The following FRAT1 variants were observed in gnomAD, a reference collection of about 807,000 sequenced individuals.
The protein encoded by FRAT1 is FRAT regulator of Wnt signaling pathway 1.
Under a neutral mutation model 16.9 loss-of-function variants are expected in FRAT1, and 9 were observed. The ratio of observed to expected loss-of-function variants is 0.53; its 90% confidence interval spans 0.32 to 0.93. The LOEUF (loss-of-function observed/expected upper bound fraction) is 0.93, where lower values mean the gene tolerates loss of function less well. Ranked by LOEUF, FRAT1 falls within the 40% of genes least tolerant of loss-of-function variation. The pLI is 0.04. For synonymous variants in FRAT1, 191 were observed against 202.1 expected (o/e 0.95, Z 0.46); for missense variants, 354 against 402.8 (o/e 0.88, Z 1.04).
At position 97,320,922 on chromosome 10, in the gene FRAT1, G is replaced by A. The variant is rs1843455917; in HGVS notation, c.*629G>A. On this transcript the variant is annotated 3_prime_UTR_variant, in exon 1 of 1. Coordinates refer to ENST00000371021, the MANE Select transcript of FRAT1 (RefSeq NM_005479.4). ...AACTGTCTCTCTTCTCAGAGTGGTG[G>A]GGGAAGGCTGTACGACACGGGTGGG... 1 of 167,060 alleles carries A rather than the reference G, an allele frequency of 6.0e-6. No individual in the cohort carries two copies. The highest frequency in any genetic ancestry group is 1.5e-5 in the Non-Finnish European group (1 of 68,202). The allele number at this position is 167,060 out of a possible 1,614,324, so 10.3% of individuals were successfully genotyped here.
chr10:97,320,338 G>C lies in FRAT1; in HGVS notation c.*45G>C. On this transcript the variant is annotated 3_prime_UTR_variant, in exon 1 of 1. Coordinates refer to ENST00000371021, the MANE Select transcript of FRAT1 (RefSeq NM_005479.4). ...GCGCCAGCCTCAGACTGGAGGGCAA[G>C]GGGTTCCCTTGAGGGCTGCAGTTCT... 1 of 1,483,976 alleles carries C rather than the reference G, an allele frequency of 6.7e-7. No individual in the cohort carries two copies. The highest frequency in any genetic ancestry group is 9.0e-7 in the Non-Finnish European group (1 of 1,112,634). 91.9% of individuals were successfully genotyped at this position (1,483,976 alleles called of 1,614,324 possible). A position where few individuals can be genotyped will look rare whatever the true frequency, so the allele number is the denominator to read the frequency against.
rs145308736 is a variant in FRAT1, at chr10:97,319,304, G to A, written c.-150G>A. 6 of 1,068,500 alleles carry A rather than the reference G, an allele frequency of 5.6e-6. No homozygotes were observed. The highest frequency in any genetic ancestry group is 3.4e-5 in the East Asian group (1 of 29,184). The allele number at this position is 1,068,500 out of a possible 1,614,324, so 66.2% of individuals were successfully genotyped here. A position where few individuals can be genotyped will look rare whatever the true frequency, so the allele number is the denominator to read the frequency against. On this transcript the variant is annotated 5_prime_UTR_variant, in exon 1 of 1. Coordinates refer to ENST00000371021, the MANE Select transcript of FRAT1 (RefSeq NM_005479.4). ...GCGGCTGCAGGCGCGCGGCTAGAGT[G>A]CCTGGCGGGCTCCGGCTTCCGCGTC... is the stretch of plus-strand genomic sequence containing the variant.
chr10:97,319,951 T>C lies in FRAT1; in HGVS notation c.498T>C (p.Gly166=). The C allele has an allele frequency of 3.3e-6, 5 of 1,536,662 alleles. No homozygotes were observed. Among genetic ancestry groups the C allele is most frequent in the Admixed American group, 2.0e-5 (1 of 50,736 alleles). The change falls in exon 1 of 1, where the codon GGT becomes GGC. Residue 166 remains glycine (G), a synonymous_variant. Transcript: ENST00000371021. The part of the protein sequence containing the change: ...GKQGIPQPLS[G]PCRRGWLRGA... ...AGGGCATCCCGCAGCCGCTGTCGGG[T>C]CCGTGCCGGCGAGGATGGCTCCGGG...
rs895415796 is a variant in FRAT1, at chr10:97,319,316, C to T, written c.-138C>T. The T allele has an allele frequency of 6.0e-6, 7 of 1,165,130 alleles. No individual in the cohort carries two copies. The highest frequency in any genetic ancestry group is 4.8e-5 in the African/African-American group (3 of 62,456). 72.2% of individuals were successfully genotyped at this position (1,165,130 alleles called of 1,614,324 possible). A position where few individuals can be genotyped will look rare whatever the true frequency, so the allele number is the denominator to read the frequency against. On this transcript the variant is annotated 5_prime_UTR_variant, in exon 1 of 1. Transcript: ENST00000371021. Reference sequence around the variant, plus strand: ...GCGCGGCTAGAGTGCCTGGCGGGCTCCGGCTTCCGCGTCCGCCCCGGCCCC... The same window carrying T: ...GCGCGGCTAGAGTGCCTGGCGGGCTTCGGCTTCCGCGTCCGCCCCGGCCCC...
Position 97,319,748 on chromosome 10 carries a change from T to G in FRAT1, c.295T>G (p.Leu99Val). 8.3e-7 allele frequency: 1 copy of G among 1,209,810 alleles called. No homozygotes were observed. Among genetic ancestry groups the G allele is most frequent in the Non-Finnish European group, 1.0e-6 (1 of 975,504 alleles). 74.9% of individuals were successfully genotyped at this position (1,209,810 alleles called of 1,614,324 possible). ...PAVPLLLPPA[L>V]AETVGPAPPG... Reference sequence around the variant, plus strand: ...GGTGCCGCTGCTGCTGCCGCCCGCGTTGGCGGAGACTGTGGGCCCGGCGCC... The same window carrying G: ...GGTGCCGCTGCTGCTGCCGCCCGCGGTGGCGGAGACTGTGGGCCCGGCGCC... Residue 99 changes from leucine (L) to valine (V), a missense_variant, in exon 1 of 1, where the codon TTG becomes GTG. Leu to Val is a conservative substitution (Grantham distance 32, BLOSUM62 1). Coordinates refer to ENST00000371021, the MANE Select transcript of FRAT1 (RefSeq NM_005479.4).
Position 97,321,669 on chromosome 10 carries a change from G to A in FRAT1, c.*1376G>A, listed in dbSNP as rs181443901. 6.0e-6 allele frequency: 1 copy of A among 167,238 alleles called. No individual in the cohort carries two copies. Among genetic ancestry groups the A allele is most frequent in the Admixed American group, 6.5e-5 (1 of 15,302 alleles). The allele number at this position is 167,238 out of a possible 1,614,324, so 10.4% of individuals were successfully genotyped here. A position where few individuals can be genotyped will look rare whatever the true frequency, so the allele number is the denominator to read the frequency against. On this transcript the variant is annotated 3_prime_UTR_variant, in exon 1 of 1. Coordinates refer to ENST00000371021, the MANE Select transcript of FRAT1 (RefSeq NM_005479.4). ...CTAAAGGCGCTGAGACTGTGCTGTT[G>A]TTCTCGTTTTTATAGTCAATGGCTT...
Position 97,319,371 on chromosome 10 carries a change from C to G in FRAT1, c.-83C>G, listed in dbSNP as rs958088586. ...CAGACTTAGTCTTCAGCTCCGCGCC[C>G]GCTCCGCCGCGGCCCACCGCGCCCG... On this transcript the variant is annotated 5_prime_UTR_variant, in exon 1 of 1. Coordinates refer to ENST00000371021, the MANE Select transcript of FRAT1 (RefSeq NM_005479.4). The G allele has an allele frequency of 2.4e-6, 3 of 1,268,648 alleles. No individual in the cohort carries two copies. The allele number at this position is 1,268,648 out of a possible 1,614,324, so 78.6% of individuals were successfully genotyped here.
Position 97,319,774 on chromosome 10 carries a change from C to T in FRAT1, c.321C>T (p.Pro107=). ...PALAETVGPA[P]PGVLRCALGD... ...TGGCGGAGACTGTGGGCCCGGCGCCCCCTGGGGTCCTGCGCTGCGCCCTGG... is the reference window on the plus strand; with the variant it reads ...TGGCGGAGACTGTGGGCCCGGCGCCTCCTGGGGTCCTGCGCTGCGCCCTGG... Residue 107 remains proline (P), a synonymous_variant, in exon 1 of 1, where the codon CCC becomes CCT. Coordinates refer to ENST00000371021, the MANE Select transcript of FRAT1 (RefSeq NM_005479.4). The T allele has an allele frequency of 7.9e-7, 1 of 1,272,182 alleles. No homozygotes were observed. Among genetic ancestry groups the T allele is most frequent in the African/African-American group, 1.6e-5 (1 of 63,966 alleles). The allele number at this position is 1,272,182 out of a possible 1,614,324, so 78.8% of individuals were successfully genotyped here. A position where few individuals can be genotyped will look rare whatever the true frequency, so the allele number is the denominator to read the frequency against.
In FRAT1 at chr10:97,321,238, G is replaced by T; in HGVS notation, c.*945G>T. Reference sequence around the variant, plus strand: ...CGTGCTGGGCGGCTGTGCTTCGGTAGGCGACCACCGCCCCTGGCCGCGCTC... The same window carrying T: ...CGTGCTGGGCGGCTGTGCTTCGGTATGCGACCACCGCCCCTGGCCGCGCTC... On this transcript the variant is annotated 3_prime_UTR_variant, in exon 1 of 1. Transcript: ENST00000371021. The T allele has an allele frequency of 6.0e-6, 1 of 165,338 alleles. No homozygotes were observed. 10.2% of individuals were successfully genotyped at this position (165,338 alleles called of 1,614,324 possible). A position where few individuals can be genotyped will look rare whatever the true frequency, so the allele number is the denominator to read the frequency against.
In FRAT1 at chr10:97,321,121, C is replaced by CA. The variant is rs2134964250; in HGVS notation, c.*828_*829insA. On this transcript the variant is annotated 3_prime_UTR_variant, in exon 1 of 1. Transcript: ENST00000371021. The stretch of plus-strand genomic sequence containing the variant: ...GCGGGACAGAGTAGCCAGGTTCTGC[C>CA]GGTGCTCGGAGAAGAGCGCAGTGTT... 2 of 167,298 alleles carry CA rather than the reference C, an allele frequency of 1.2e-5. No homozygotes were observed. Among genetic ancestry groups the CA allele is most frequent in the Non-Finnish European group, 2.9e-5 (2 of 68,164 alleles). The allele number at this position is 167,298 out of a possible 1,614,324, so 10.4% of individuals were successfully genotyped here.
At position 97,319,794 on chromosome 10, in the gene FRAT1, C is replaced by T; in HGVS notation, c.341C>T (p.Ala114Val). 1.5e-6 allele frequency: 2 copies of T among 1,338,638 alleles called. No homozygotes were observed. Among genetic ancestry groups the T allele is most frequent in the Admixed American group, 4.2e-5 (1 of 23,874 alleles). 82.9% of individuals were successfully genotyped at this position (1,338,638 alleles called of 1,614,324 possible). A position where few individuals can be genotyped will look rare whatever the true frequency, so the allele number is the denominator to read the frequency against. ...GCGCCCCCTGGGGTCCTGCGCTGCG[C>T]CCTGGGGGACCGCGGCCGCGTGCGG... ...GPAPPGVLRCALGDRGRVRGR... is the reference protein window; with the variant it reads ...GPAPPGVLRCVLGDRGRVRGR... The change falls in exon 1 of 1, where the codon GCC (alanine) becomes GTC (valine). Residue 114 changes from alanine to valine, a missense_variant. Transcript: ENST00000371021.
chr10:97,319,526 T>G lies in FRAT1; in HGVS notation c.73T>G (p.Phe25Val). ...AEGEEEEEDS[F>V]LLLQQSVALG... is the part of the protein sequence containing the mutation. Reference sequence around the variant, plus strand: ...GGGGGAGGAAGAGGAGGAGGACAGCTTCCTCCTACTGCAGCAGTCAGTGGC... The same window carrying G: ...GGGGGAGGAAGAGGAGGAGGACAGCGTCCTCCTACTGCAGCAGTCAGTGGC... Residue 25 changes from phenylalanine to valine, a missense_variant, in exon 1 of 1, where the codon TTC becomes GTC. Transcript: ENST00000371021. The G allele has an allele frequency of 6.8e-7, 1 of 1,477,912 alleles. No individual in the cohort carries two copies. Among genetic ancestry groups the G allele is most frequent in the Non-Finnish European group, 8.9e-7 (1 of 1,117,462 alleles). The allele number at this position is 1,477,912 out of a possible 1,614,324, so 91.5% of individuals were successfully genotyped here.
chr10:97,320,189 G>C lies in FRAT1; in HGVS notation c.736G>C (p.Glu246Gln). 6 of 1,611,852 alleles carry C rather than the reference G, an allele frequency of 3.7e-6. No individual in the cohort carries two copies. Among genetic ancestry groups the C allele is most frequent in the Non-Finnish European group, 5.1e-6 (6 of 1,179,292 alleles). ...GGGACCTCTGTCGGCCCCGGTGCAT[G>C]AACCCCCTTCGCCTCGCAGCCCTCG... ...LLGPLSAPVH[E>Q]PPSPRSPRAA... Residue 246 changes from glutamate (E) to glutamine (Q), a missense_variant, in exon 1 of 1, where the codon GAA (glutamate) becomes CAA (glutamine). By Grantham distance (29) the Glu-to-Gln change is conservative. Transcript: ENST00000371021.
chr10:97,320,296 C>T lies in FRAT1; in HGVS notation c.*3C>T. 1.3e-6 allele frequency: 2 copies of T among 1,560,872 alleles called. No homozygotes were observed. The highest frequency in any genetic ancestry group is 1.9e-5 in the Admixed American group (1 of 53,138). ...GCGTTCTTGTGCCTGGCAGCTAACA[C>T]GCCCGGGGTGGCCACAGCGCCAGCC... On this transcript the variant is annotated 3_prime_UTR_variant, in exon 1 of 1. Transcript: ENST00000371021.
rs1471986186 is a variant in FRAT1, at chr10:97,321,631, C to CTGTT, written c.*1339_*1342dup. ...ACCATGGTGAAGTGCTTGGAACATA[C>CTGTT]TGTTCACTCACTCTAAAGGCGCTGA... On this transcript the variant is annotated 3_prime_UTR_variant, in exon 1 of 1. Coordinates refer to ENST00000371021, the MANE Select transcript of FRAT1 (RefSeq NM_005479.4). 6.0e-6 allele frequency: 1 copy of CTGTT among 167,142 alleles called. No homozygotes were observed. The highest frequency in any genetic ancestry group is 6.5e-5 in the Admixed American group (1 of 15,280). 10.4% of individuals were successfully genotyped at this position (167,142 alleles called of 1,614,324 possible). A position where few individuals can be genotyped will look rare whatever the true frequency, so the allele number is the denominator to read the frequency against.
In FRAT1 at chr10:97,319,722, C is replaced by A. The variant is rs569368961; in HGVS notation, c.269C>A (p.Ala90Glu). 36 of 1,188,090 alleles carry A rather than the reference C, an allele frequency of 3.0e-5. No individual in the cohort carries two copies. In the African/African-American group the frequency reaches 4.5e-4, roughly 15 times the overall value. The allele number at this position is 1,188,090 out of a possible 1,614,324, so 73.6% of individuals were successfully genotyped here. A position where few individuals can be genotyped will look rare whatever the true frequency, so the allele number is the denominator to read the frequency against. Residue 90 changes from alanine (A) to glutamate (E), a missense_variant, in exon 1 of 1, where the codon GCG becomes GAG. Coordinates refer to ENST00000371021, the MANE Select transcript of FRAT1 (RefSeq NM_005479.4). ...AVPADKARSP[A>E]VPLLLPPALA... ...CCGGCGGACAAGGCCAGGTCCCCGGCGGTGCCGCTGCTGCTGCCGCCCGCG... is the reference window on the plus strand; with the variant it reads ...CCGGCGGACAAGGCCAGGTCCCCGGAGGTGCCGCTGCTGCTGCCGCCCGCG...
rs1265754178 is a variant in FRAT1 at position 97,320,193 on chromosome 10, C to T, written c.740C>T (p.Pro247Leu). The change falls in exon 1 of 1, where the codon CCC becomes CTC. Residue 247 changes from proline to leucine, a missense_variant. Around this residue, in one of 3 missense-constraint regions of FRAT1, gnomAD observed 286 missense variants for 311.0 expected, o/e 0.92. Coordinates refer to ENST00000371021, the MANE Select transcript of FRAT1 (RefSeq NM_005479.4). ...LGPLSAPVHEPPSPRSPRAAC... is the reference protein window; with the variant it reads ...LGPLSAPVHELPSPRSPRAAC... ...CCTCTGTCGGCCCCGGTGCATGAAC[C>T]CCCTTCGCCTCGCAGCCCTCGCGCG... 1.2e-6 allele frequency: 2 copies of T among 1,611,560 alleles called. No individual in the cohort carries two copies. Among genetic ancestry groups the T allele is most frequent in the Admixed American group, 1.7e-5 (1 of 59,856 alleles).
chr10:97,320,254 G>T lies in FRAT1; in HGVS notation c.801G>T (p.Gln267His). The T allele has an allele frequency of 6.3e-7, 1 of 1,597,812 alleles. No homozygotes were observed. The highest frequency in any genetic ancestry group is 1.1e-5 in the South Asian group (1 of 88,954). Residue 267 changes from glutamine to histidine, a missense_variant, in exon 1 of 1, where the codon CAG becomes CAT. Coordinates refer to ENST00000371021, the MANE Select transcript of FRAT1 (RefSeq NM_005479.4). The stretch of plus-strand genomic sequence containing the variant: ...ACCCTGGCGCCTCCGGGAGGGCGCA[G>T]CTCAGAACTGGCGACGGCGTTCTTG... ...CSDPGASGRAQLRTGDGVLVP... is the reference protein window; with the variant it reads ...CSDPGASGRAHLRTGDGVLVP...
Position 97,320,455 on chromosome 10 carries a change from T to G in FRAT1, c.*162T>G, listed in dbSNP as rs1320997632. On this transcript the variant is annotated 3_prime_UTR_variant, in exon 1 of 1. Coordinates refer to ENST00000371021, the MANE Select transcript of FRAT1 (RefSeq NM_005479.4). ...AAATCGCGAGTGTTTCGCGGGTAACTGGGGTTGAGGGCCAAAATATTTGGA... is the reference window on the plus strand; with the variant it reads ...AAATCGCGAGTGTTTCGCGGGTAACGGGGGTTGAGGGCCAAAATATTTGGA... The G allele has an allele frequency of 2.6e-6, 2 of 772,842 alleles. No individual in the cohort carries two copies. The highest frequency in any genetic ancestry group is 1.8e-5 in the African/African-American group (1 of 55,798). 47.9% of individuals were successfully genotyped at this position (772,842 alleles called of 1,614,324 possible).
Sources: gnomAD v4.1 joint callset for allele counts on GRCh38, gnomAD v4.1.1 for gene constraint, gnomAD v4.1.1 regional missense constraint, MANE v1.5 for transcripts, NCBI Gene and HGNC (gene_info 2026-07-23, HGNC 2026-07-21) for gene names.